ZER1: variants seen among roughly 807,000 people sequenced by gnomAD.
The protein encoded by ZER1 is zyg-11 related cell cycle regulator.
In ZER1, 11 loss-of-function variants were observed where a neutral mutation model predicts 78.8. The observed-to-expected ratio is 0.14, with a 90% CI of 0.09 to 0.23. The LOEUF (loss-of-function observed/expected upper bound fraction) is 0.23, where lower values mean the gene tolerates loss of function less well. Ranked by LOEUF, ZER1 falls within the 10% of genes least tolerant of loss-of-function variation. ZER1 has a pLI of 1.00. For missense variants in ZER1, 588 were observed against 996.9 expected, an observed-to-expected ratio of 0.59 and a Z score of 5.52; for synonymous variants, 400 against 407.0, an observed-to-expected ratio of 0.98 and a Z score of 0.21.
At chr9:128,748,249 C>A (rs963264040) in intron 8 of ZER1, among the ~76,000 whole-genome samples, 1 of 151,918 alleles carries the variant, frequency 6.6e-6, no homozygotes, top group Non-Finnish European at 1.5e-5. Flanking sequence ...ACTAAAAATA[C>A]AAAAACTTAG....
Position 128,737,153 on chromosome 9 carries a change from A to AT in ZER1, c.2043-1723dup, listed in dbSNP as rs58065812. Among the ~76,000 whole-genome samples, 1,087 of 148,112 alleles carry AT rather than the reference A, an allele frequency of 7.3e-3. 15 individuals are homozygous for AT. The highest frequency in any genetic ancestry group is 0.021 in the African/African-American group (832 of 40,490). On this transcript the variant is annotated intron_variant, in intron 13 of 15. Coordinates refer to ENST00000291900, the MANE Select transcript of ZER1 (RefSeq NM_006336.4). Reference sequence around the variant, plus strand: ...TGCGAGACTCCGTCTCAAAAAAAAAATTTTTTTTTTTGTAGAGGTGAGGGC... The same window carrying AT: ...TGCGAGACTCCGTCTCAAAAAAAAAATTTTTTTTTTTTGTAGAGGTGAGGGC...
At chr9:128,736,393 CTTTGT>C (rs1325356842) in intron 13 of ZER1, among the ~76,000 whole-genome samples, 5 of 132,750 alleles carry the variant, frequency 3.8e-5, no homozygotes, top group African/African-American at 1.4e-4. Flanking sequence ...GCCCTTTTTT[CTTTGT>C]TTTTTTTTTT....
chr9:128,752,421 T>A (rs1038998442), intron 5 of ZER1, among the ~76,000 whole-genome samples: 3 of 152,040 alleles, frequency 2.0e-5, no homozygotes, highest in African/African-American at 4.8e-5. Context: ...GCCTCCCGGC[T>A]TCAATTCTCA....
In ZER1 at chr9:128,735,471, G is replaced by A. The variant is rs372674608; in HGVS notation, c.2043-40C>T. 110 of 1,575,606 alleles carry A rather than the reference G, an allele frequency of 7.0e-5. 1 individual carries two copies. Among genetic ancestry groups the A allele is most frequent in the Non-Finnish European group, 1.5e-5 (17 of 1,152,962 alleles). The stretch of plus-strand genomic sequence containing the variant: ...ATCAAGGTCACTGTGGATGCTGAGG[G>A]TGGGGAGTGTGTCTTTTCTTGTCTG... On this transcript the variant is annotated intron_variant, in intron 13 of 15. Coordinates refer to ENST00000291900, the MANE Select transcript of ZER1 (RefSeq NM_006336.4).
chr9:128,752,326 T>C (rs1589533617), intron 5 of ZER1, among the ~76,000 whole-genome samples: 1 of 151,178 alleles, frequency 6.6e-6, no homozygotes, highest in Admixed American at 6.6e-5. Flanking sequence ...GCAAATACTT[T>C]CTTTTTTTTT....
chr9:128,771,753 G>A lies in ZER1; in HGVS notation c.-267C>T, dbSNP rs1335931105. On this transcript the variant is annotated 5_prime_UTR_variant, in exon 1 of 16. Coordinates refer to ENST00000291900, the MANE Select transcript of ZER1 (RefSeq NM_006336.4). ...ACGGGGGTCGGCGGGGCGGAGCTTG[G>A]GATCCCGGGGACGGGAGCTCCGGGA... 4 of 152,352 alleles carry A rather than the reference G, an allele frequency of 2.6e-5. No homozygotes were observed. Among genetic ancestry groups the A allele is most frequent in the Non-Finnish European group, 4.4e-5 (3 of 68,204 alleles). 9.4% of individuals were successfully genotyped at this position (152,352 alleles called of 1,614,324 possible).
intron 8 of ZER1, among the ~76,000 whole-genome samples, chr9:128,749,900 G>A (rs145099847): frequency 7.9e-5 from 12 of 151,956 alleles, no homozygotes; most frequent in East Asian, 7.7e-4. Context: ...AAAATTAGCC[G>A]GGCATGGTGG....
At chr9:128,749,699 C>T (rs372439038) in intron 8 of ZER1, among the ~76,000 whole-genome samples, 16 of 151,774 alleles carry the variant, frequency 1.1e-4, no homozygotes, top group East Asian at 5.8e-4. Context: ...CACTTGAACC[C>T]GCCACTGCTC....
Position 128,730,113 on chromosome 9 carries a change from A to G in ZER1, c.*1224T>C, listed in dbSNP as rs1221642262. On this transcript the variant is annotated 3_prime_UTR_variant, in exon 16 of 16. Coordinates refer to ENST00000291900, the MANE Select transcript of ZER1 (RefSeq NM_006336.4). ...GGCCCGCGGGAGGAAAAGGGAAGAA[A>G]AAGCCATCACCCAAAGGCTGCCTCC... is the stretch of plus-strand genomic sequence containing the variant. 4 of 152,816 alleles carry G rather than the reference A, an allele frequency of 2.6e-5. No homozygotes were observed. The highest frequency in any genetic ancestry group is 7.2e-5 in the African/African-American group (3 of 41,474). The allele number at this position is 152,816 out of a possible 1,614,324, so 9.5% of individuals were successfully genotyped here.
intron 8 of ZER1, among the ~76,000 whole-genome samples, chr9:128,743,375 CAA>C (rs945062700): frequency 4.0e-4 from 61 of 152,200 alleles, no homozygotes; most frequent in African/African-American, 1.4e-3. Context: ...CTTGGCCTCC[CAA>C]AGTGTTGGGA....
rs769851723 is a variant in ZER1 at position 128,732,641 on chromosome 9, C to T, written c.2243+785G>A. Among the ~76,000 whole-genome samples, 7 of 152,206 alleles carry T rather than the reference C, an allele frequency of 4.6e-5. No homozygotes were observed. Among genetic ancestry groups the T allele is most frequent in the Non-Finnish European group, 1.0e-4 (7 of 68,034 alleles). ...TCAGCCTCCCAAAGTGCTAGGATTA[C>T]AGGTGTGAGCCACTTCGCCTGGCCA... On this transcript the variant is annotated intron_variant, in intron 15 of 15. Transcript: ENST00000291900. This position sits in a 1 kb window ranked among gnomAD's most constrained non-coding sequence, Gnocchi z 4.8.
intron 13 of ZER1, among the ~76,000 whole-genome samples, chr9:128,737,037 G>A (rs1238579669): frequency 6.6e-6 from 1 of 151,986 alleles, no homozygotes; most frequent in Non-Finnish European, 1.5e-5. Context: ...CCAGCTACTC[G>A]GGAGGCTGAG....
At chr9:128,763,001 C>G (rs1287920069) in intron 1 of ZER1, among the ~76,000 whole-genome samples, 3 of 152,330 alleles carry the variant, frequency 2.0e-5, no homozygotes, top group Admixed American at 1.3e-4. Context: ...CCACTGCCCC[C>G]CTACTCCAGC....
At chr9:128,750,917 C>G (rs895696861) in intron 7 of ZER1, 128 bp from the exon 8 acceptor site, 19 of 1,450,006 alleles carry the variant, frequency 1.3e-5, no homozygotes, top group East Asian at 2.3e-5. Flanking sequence ...GAAGTGGGGC[C>G]TGGGGAGCAG....
In ZER1 at chr9:128,754,004, C is replaced by G; in HGVS notation, c.159-45G>C. The G allele has an allele frequency of 6.5e-7, 1 of 1,549,776 alleles. No individual in the cohort carries two copies. Among genetic ancestry groups the G allele is most frequent in the Non-Finnish European group, 8.7e-7 (1 of 1,145,550 alleles). ...GGCTCAGGAGAGGGCCACAGGGACTCTCATCCTCGCTTCAAAGCCAAGCCC... is the reference window on the plus strand; with the variant it reads ...GGCTCAGGAGAGGGCCACAGGGACTGTCATCCTCGCTTCAAAGCCAAGCCC... On this transcript the variant is annotated intron_variant, in intron 2 of 15. Transcript: ENST00000291900. This position sits in a 1 kb window ranked among gnomAD's most constrained non-coding sequence, Gnocchi z 4.3.
At chr9:128,762,274 G>T (rs1864076120) in intron 1 of ZER1, among the ~76,000 whole-genome samples, 1 of 152,098 alleles carries the variant, frequency 6.6e-6, no homozygotes. Context: ...CCAGCTTCTG[G>T]GAGCCTCCCT....
At position 128,731,151 on chromosome 9, in the gene ZER1, A is replaced by AT. The variant is rs1554783610; in HGVS notation, c.*185_*186insA. The AT allele has an allele frequency of 4.8e-4, 119 of 245,622 alleles. 1 individual carries two copies. The highest frequency in any genetic ancestry group is 1.8e-3 in the East Asian group (23 of 12,644). 15.2% of individuals were successfully genotyped at this position (245,622 alleles called of 1,614,324 possible). On this transcript the variant is annotated 3_prime_UTR_variant, in exon 16 of 16. Transcript: ENST00000291900. ...CTTCACACTTCCTAACCAAAAAAAA[A>AT]ATATATATATATAATATATATATAT...
Position 128,768,954 on chromosome 9 carries a change from T to G in ZER1, c.-95+2627A>C, listed in dbSNP as rs903925713. Among the ~76,000 whole-genome samples, 3 of 149,420 alleles carry G rather than the reference T, an allele frequency of 2.0e-5. No homozygotes were observed. In the East Asian group the frequency reaches 5.8e-4, roughly 29 times the overall value. On this transcript the variant is annotated intron_variant, in intron 1 of 15. Coordinates refer to ENST00000291900, the MANE Select transcript of ZER1 (RefSeq NM_006336.4). Reference sequence around the variant, plus strand: ...AATTTGCTGGGCTCATTTTAATTCTTTTTTTTTTAGAGATAGGGTTTCCCT... The same window carrying G: ...AATTTGCTGGGCTCATTTTAATTCTGTTTTTTTTAGAGATAGGGTTTCCCT...
chr9:128,738,881 T>C (rs189995697), intron 13 of ZER1, among the ~76,000 whole-genome samples: 2,918 of 146,908 alleles, frequency 0.02, 49 homozygotes, highest in South Asian at 0.038. Context: ...AGATGGAGTC[T>C]TGGTCTGTTG....
Sources: gnomAD v4.1 joint callset for allele counts (sites outside exome capture counted in the v4.1 genomes callset) on GRCh38, gnomAD v4.1.1 for gene constraint, Gnocchi (gnomAD v3.1) non-coding constraint, MANE v1.5 for transcripts, NCBI Gene and HGNC (gene_info 2026-07-23, HGNC 2026-07-21) for gene names.